The following GFPT1 variants were observed in gnomAD, a reference collection of about 807,000 sequenced individuals.
GFPT1 encodes glutamine--fructose-6-phosphate aminotransferase [isomerizing] 1.
In GFPT1, 40 loss-of-function variants were observed where a neutral mutation model predicts 92.0. The ratio of observed to expected loss-of-function variants is 0.43; its 90% confidence interval spans 0.34 to 0.57. The LOEUF is 0.57. Ranked by LOEUF, GFPT1 falls within the 20% of genes least tolerant of loss-of-function variation. The pLI is 0.02. For missense variants in GFPT1, 448 were observed against 869.1 expected (o/e 0.52, Z 6.09); for synonymous variants, 269 against 280.6 (o/e 0.96, Z 0.41).
At chr2:69,343,491 A>C (rs1574055829) in intron 12 of GFPT1, among the ~76,000 whole-genome samples, 1 of 150,744 alleles carries the variant, frequency 6.6e-6, no homozygotes, top group South Asian at 2.1e-4. Flanking sequence ...GCTCACTGCA[A>C]CCTCCACCTC....
At chr2:69,342,275 T>A (rs768013617) in intron 12 of GFPT1, 26 bp from the exon 13 acceptor site, 1 of 1,410,356 alleles carries the variant, frequency 7.1e-7, no homozygotes, top group Admixed American at 1.7e-5. Context: ...GTGTACATAA[T>A]TATTTAGCAA....
At chr2:69,384,648 C>A (rs190728652) in intron 1 of GFPT1, among the ~76,000 whole-genome samples, 2 of 131,180 alleles carry the variant, frequency 1.5e-5, no homozygotes, top group East Asian at 4.4e-4. Flanking sequence ...GAGCCAAGAT[C>A]ATGCCGCTGC....
At chr2:69,383,783 GC>G (rs1171603056) in intron 1 of GFPT1, among the ~76,000 whole-genome samples, 4 of 152,006 alleles carry the variant, frequency 2.6e-5, no homozygotes, top group Non-Finnish European at 5.9e-5. Flanking sequence ...GCGCCACTAC[GC>G]CCGGCTAATT....
chr2:69,329,026 T>A (rs893737186), intron 17 of GFPT1, among the ~76,000 whole-genome samples: 6 of 152,108 alleles, frequency 3.9e-5, no homozygotes, highest in South Asian at 2.1e-4. Context: ...AAATTTCTTA[T>A]CTAGAGAACT....
At chr2:69,355,964 G>A (rs1011447804) in intron 7 of GFPT1, among the ~76,000 whole-genome samples, 1 of 145,198 alleles carries the variant, frequency 6.9e-6, no homozygotes, top group African/African-American at 2.6e-5. Context: ...CCAATTAAAT[G>A]CCAAAATATA....
chr2:69,371,265 G>A (rs1671740674), intron 2 of GFPT1: 1 of 148,690 alleles, frequency 6.7e-6, no homozygotes, highest in Non-Finnish European at 1.5e-5. Context: ...TTTAAGTAGA[G>A]ATGGGGTTTC....
chr2:69,338,617 A>G (rs1463396531), intron 13 of GFPT1, 52 bp from the exon 14 acceptor site: 7 of 1,596,642 alleles, frequency 4.4e-6, no homozygotes, highest in African/African-American at 1.3e-5. Context: ...ATACTCTTTC[A>G]TCGGACTTCT....
In GFPT1 at chr2:69,330,663, TTAA is replaced by T. The variant is rs1219675899; in HGVS notation, c.1483-868_1483-866del. On this transcript the variant is annotated intron_variant, in intron 15 of 19. Transcript: ENST00000357308. ...TCATCTGTTATTAGAAATAATTACA[TTAA>T]TAATATGCTATTAATAACACTTGTG... 1.6e-3 allele frequency among the ~76,000 whole-genome samples: 239 copies of T among 152,202 alleles called. 3 individuals carry two copies. The highest frequency in any genetic ancestry group is 1.6e-4 in the Non-Finnish European group (11 of 68,014).
In GFPT1 at chr2:69,342,226, G is replaced by T; in HGVS notation, c.1129C>A (p.His377Asn). Residue 377 changes from histidine to asparagine, a missense_variant, in exon 13 of 20, where the codon CAC (histidine) becomes AAC (asparagine). Coordinates refer to ENST00000357308, the MANE Select transcript of GFPT1 (RefSeq NM_001244710.2). Reference sequence around the variant, plus strand: ...CGGCATCTCTGGATCTCCTTTATGTGATCCTTCAAACCACCCAAATTCACT... The same window carrying T: ...CGGCATCTCTGGATCTCCTTTATGTTATCCTTCAAACCACCCAAATTCACT... ...YTVNLGGLKD[H>N]IKEIQRCRRL... 1 of 1,608,238 alleles carries T rather than the reference G, an allele frequency of 6.2e-7. No homozygotes were observed. Among genetic ancestry groups the T allele is most frequent in the Non-Finnish European group, 8.5e-7 (1 of 1,174,726 alleles).
intron 3 of GFPT1, among the ~76,000 whole-genome samples, chr2:69,367,747 G>T (rs896873071): frequency 4.6e-5 from 7 of 152,166 alleles, no homozygotes; most frequent in Non-Finnish European, 8.8e-5. Context: ...TTGTTGTCAT[G>T]TCACCTTGTT....
chr2:69,338,132 GACC>G lies in GFPT1; in HGVS notation c.1325-80_1325-78del, dbSNP rs749259820. 9.2e-5 allele frequency: 115 copies of G among 1,247,586 alleles called. 1 individual carries two copies. Among genetic ancestry groups the G allele is most frequent in the South Asian group, 2.5e-4 (21 of 83,430 alleles). The allele number at this position is 1,247,586 out of a possible 1,614,324, so 77.3% of individuals were successfully genotyped here. A position where few individuals can be genotyped will look rare whatever the true frequency, so the allele number is the denominator to read the frequency against. ...TGTTTCTTAGGAGCAAAAACAAATT[GACC>G]ACACTTTCAACAATATTACTTGTTT... On this transcript the variant is annotated intron_variant, in intron 14 of 19. Transcript: ENST00000357308.
intron 1 of GFPT1, 104 bp downstream of exon 1, chr2:69,386,961 A>T: frequency 1.1e-6 from 1 of 924,358 alleles, no homozygotes; most frequent in Non-Finnish European, 1.7e-6. Flanking sequence ...CAGACTTCGC[A>T]CCCTCCACAC....
chr2:69,367,654 C>T (rs576473816), intron 3 of GFPT1, among the ~76,000 whole-genome samples: 1 of 152,326 alleles, frequency 6.6e-6, no homozygotes, highest in African/African-American at 2.4e-5. Context: ...AGCCACCACG[C>T]CCGGCACACA....
Position 69,329,660 on chromosome 2 carries a change from T to C in GFPT1, c.1597+24A>G, listed in dbSNP as rs753257866. ...TACCCACTCCCTTAGACAACAAAAG[T>C]GTAATATATGAGTGTCTTTGTACCA... On this transcript the variant is annotated intron_variant, in intron 16 of 19. Transcript: ENST00000357308. 2.1e-6 allele frequency: 3 copies of C among 1,457,864 alleles called. No homozygotes were observed. In the African/African-American group the frequency reaches 4.2e-5, roughly 20 times the overall value. The allele number at this position is 1,457,864 out of a possible 1,614,324, so 90.3% of individuals were successfully genotyped here.
chr2:69,333,167 T>C (rs1670711661), intron 15 of GFPT1, among the ~76,000 whole-genome samples: 2 of 152,188 alleles, frequency 1.3e-5, no homozygotes, highest in African/African-American at 2.4e-5. Context: ...TACTTTTCAA[T>C]TAATCAATTA....
chr2:69,360,940 G>A (rs1346309175), intron 4 of GFPT1, among the ~76,000 whole-genome samples: 1 of 151,784 alleles, frequency 6.6e-6, no homozygotes, highest in Non-Finnish European at 1.5e-5. Context: ...TTGCCATATT[G>A]GTCAGGCTGG....
chr2:69,370,222 A>G, intron 2 of GFPT1, 114 bp from the exon 3 acceptor site: 1 of 728,160 alleles, frequency 1.4e-6, no homozygotes, highest in Non-Finnish European at 2.5e-6. Context: ...TAATTCACTA[A>G]TGTATTAATT....
intron 12 of GFPT1, among the ~76,000 whole-genome samples, chr2:69,343,948 T>A (rs1671018280): frequency 6.6e-6 from 1 of 152,030 alleles, no homozygotes; most frequent in Admixed American, 6.6e-5. Context: ...GGCCTTCAAG[T>A]CCCATAAGAC....
At chr2:69,354,467 G>T in intron 8 of GFPT1, 22 bp downstream of exon 8, 2 of 1,432,118 alleles carry the variant, frequency 1.4e-6, no homozygotes, top group Non-Finnish European at 9.9e-7. Flanking sequence ...CTACTGCACT[G>T]CATTTGTAGA....
Sources: gnomAD v4.1 joint callset for allele counts (sites outside exome capture counted in the v4.1 genomes callset) on GRCh38, gnomAD v4.1.1 for gene constraint, MANE v1.5 for transcripts, NCBI Gene and HGNC (gene_info 2026-07-23, HGNC 2026-07-21) for gene names.